Variants in BCL2L13 observed in about 807,000 individuals in gnomAD.
The protein encoded by BCL2L13 is BCL2 like 13.
In BCL2L13, 13 loss-of-function variants were observed where a neutral mutation model predicts 25.8. The observed-to-expected ratio is 0.50, with a 90% CI of 0.33 to 0.80. The LOEUF is 0.80. Ranked by LOEUF, BCL2L13 falls within the 30% of genes least tolerant of loss-of-function variation. The pLI, the probability that BCL2L13 is intolerant of heterozygous loss-of-function variation, is 0.02. For missense variants in BCL2L13, 504 were observed against 574.9 expected (o/e 0.88, Z 1.26); for synonymous variants, 244 against 230.3 (o/e 1.06, Z -0.54).
intron 2 of BCL2L13, among the ~76,000 whole-genome samples, chr22:17,656,685 C>T (rs1311523741): frequency 1.3e-5 from 2 of 152,010 alleles, no homozygotes; most frequent in Non-Finnish European, 2.9e-5. Context: ...AAAGCACCTG[C>T]AGCCCTCTAT....
chr22:17,679,517 G>A (rs927847421), intron 2 of BCL2L13, among the ~76,000 whole-genome samples: 6 of 151,832 alleles, frequency 4.0e-5, no homozygotes, highest in East Asian at 2.0e-4. Flanking sequence ...TGATCCGCCC[G>A]CCTTGGCCTC....
chr22:17,685,836 A>G (rs1360945731), intron 3 of BCL2L13, among the ~76,000 whole-genome samples: 1 of 114,398 alleles, frequency 8.7e-6, no homozygotes, highest in African/African-American at 3.4e-5. Context: ...CAGTGGCGGG[A>G]TCTCGACTCA....
At chr22:17,709,628 T>C (rs1177586531) in intron 6 of BCL2L13, among the ~76,000 whole-genome samples, 1 of 151,800 alleles carries the variant, frequency 6.6e-6, no homozygotes, top group Non-Finnish European at 1.5e-5. Context: ...AAATAAAAAA[T>C]AGAAAGATTA....
intron 3 of BCL2L13, among the ~76,000 whole-genome samples, chr22:17,685,573 T>G (rs2059902437): frequency 6.6e-6 from 1 of 152,062 alleles, no homozygotes; most frequent in Non-Finnish European, 1.5e-5. Context: ...CATGTATCAG[T>G]ACTTCATTAC....
chr22:17,646,955 A>ATATATC (rs768488873), intron 1 of BCL2L13, among the ~76,000 whole-genome samples: 2 of 22,186 alleles, frequency 9.0e-5, no homozygotes, highest in African/African-American at 2.9e-4. Flanking sequence ...ATATATATAT[A>ATATATC]TTTTTTTTTT....
intron 4 of BCL2L13, among the ~76,000 whole-genome samples, chr22:17,695,260 C>T (rs1266055770): frequency 6.6e-6 from 1 of 152,206 alleles, no homozygotes; most frequent in East Asian, 1.9e-4. Context: ...ATATACTTTC[C>T]TGGATACTCA....
In BCL2L13 at chr22:17,711,604, G is replaced by A. The variant is rs568884230; in HGVS notation, c.600+9218G>A. The stretch of plus-strand genomic sequence containing the variant: ...TGAGCCACCACACCCAGCCATGATG[G>A]TACTTTTGAAATTTCCATTTTACTT... On this transcript the variant is annotated intron_variant, in intron 6 of 6. Coordinates refer to ENST00000317582, the MANE Select transcript of BCL2L13 (RefSeq NM_015367.4). 4.6e-5 allele frequency among the ~76,000 whole-genome samples: 7 copies of A among 152,232 alleles called. 1 individual carries two copies. The highest frequency in any genetic ancestry group is 4.6e-4 in the Admixed American group (7 of 15,300).
At chr22:17,636,922 C>T (rs1370967130), upstream of BCL2L13, among the ~76,000 whole-genome samples, 1 of 152,350 alleles carries the variant, frequency 6.6e-6, no homozygotes. Flanking sequence ...TTGCATGTTA[C>T]ATTTTTGAAA....
intron 2 of BCL2L13, among the ~76,000 whole-genome samples, chr22:17,674,498 A>G (rs1282326502): frequency 6.6e-6 from 1 of 151,424 alleles, no homozygotes; most frequent in East Asian, 1.9e-4. Flanking sequence ...CCCAGCTACT[A>G]GGGAGGCTGA....
At chr22:17,703,325 G>A (rs987280291) in intron 6 of BCL2L13, 21 of 152,092 alleles carry the variant, frequency 1.4e-4, no homozygotes, top group African/African-American at 4.6e-4. Context: ...AAATCTTTCA[G>A]TCATTTCCAA....
intron 1 of BCL2L13, among the ~76,000 whole-genome samples, chr22:17,641,750 G>A (rs953357652): frequency 1.3e-5 from 2 of 150,934 alleles, no homozygotes; most frequent in African/African-American, 4.9e-5. Context: ...TCTGTCTATG[G>A]ATTTGCCTAT....
At chr22:17,650,164 C>T (rs2024230) in intron 1 of BCL2L13, among the ~76,000 whole-genome samples, 79,623 of 151,966 alleles carry the variant, frequency 0.52, 21,524 homozygotes, top group East Asian at 0.84. Context: ...GCCACTGCGC[C>T]CGGCTGACTC....
chr22:17,694,541 C>T (rs2060207219), intron 4 of BCL2L13, among the ~76,000 whole-genome samples: 3 of 151,960 alleles, frequency 2.0e-5, no homozygotes, highest in Admixed American at 1.3e-4. Flanking sequence ...TTTAGTCTTG[C>T]ACTGTCTTGC....
intron 2 of BCL2L13, among the ~76,000 whole-genome samples, chr22:17,674,165 G>A (rs2059502883): frequency 6.6e-6 from 1 of 152,196 alleles, no homozygotes; most frequent in Non-Finnish European, 1.5e-5. Context: ...TGATAGACCT[G>A]TAAACATAAT....
chr22:17,703,824 C>T (rs913293550), intron 6 of BCL2L13: 1 of 152,062 alleles, frequency 6.6e-6, no homozygotes, highest in Non-Finnish European at 1.5e-5. Context: ...TTTTTAAAAC[C>T]TTTGGCTATT....
intron 2 of BCL2L13, among the ~76,000 whole-genome samples, chr22:17,660,010 T>C (rs2059015485): frequency 6.9e-6 from 1 of 145,878 alleles, no homozygotes; most frequent in African/African-American, 2.4e-5. Flanking sequence ...CACGCGCCAC[T>C]GCGCCGAGCT....
intron 2 of BCL2L13, among the ~76,000 whole-genome samples, chr22:17,662,999 G>A (rs1488694866): frequency 6.6e-6 from 1 of 151,938 alleles, no homozygotes; most frequent in Non-Finnish European, 1.5e-5. Context: ...AGCTTCCTGA[G>A]TAGCTGGACC....
chr22:17,688,768 GTT>G (rs372765646), intron 3 of BCL2L13, among the ~76,000 whole-genome samples: 6 of 133,532 alleles, frequency 4.5e-5, no homozygotes, highest in Admixed American at 1.5e-4. Flanking sequence ...TGATATTGTT[GTT>G]TTTTTTTTTT....
At chr22:17,695,337 C>T (rs1456588156) in intron 4 of BCL2L13, among the ~76,000 whole-genome samples, 2 of 152,130 alleles carry the variant, frequency 1.3e-5, no homozygotes, top group African/African-American at 4.8e-5. Flanking sequence ...TCAGCCTTCC[C>T]TGAGCCTTCG....
Sources: allele counts gnomAD v4.1 joint callset (sites outside exome capture counted in the v4.1 genomes callset), GRCh38; gene constraint gnomAD v4.1.1; transcripts MANE v1.5; gene names NCBI Gene and HGNC (gene_info 2026-07-23, HGNC 2026-07-21).